Variants in KIAA0825 observed in about 807,000 individuals in gnomAD.
KIAA0825 encodes the protein uncharacterized protein KIAA0825.
KIAA0825 carries 119 observed loss-of-function variants against 147.6 expected under a neutral mutation model. The observed-to-expected ratio is 0.81, with a 90% CI of 0.69 to 0.94. KIAA0825 has a LOEUF of 0.94. KIAA0825 is among the 40% of genes least tolerant of loss of function. The probability of loss-of-function intolerance (pLI) is 0.00; values close to 1 mark genes in which losing one functional copy is unlikely to be tolerated. For synonymous variants in KIAA0825, 470 were observed against 518.1 expected, an observed-to-expected ratio of 0.91 and a Z score of 1.26; for missense variants, 1,381 against 1,472.7, an observed-to-expected ratio of 0.94 and a Z score of 1.02.
chr5:94,168,480 A>G (rs1768276997), intron 20 of KIAA0825, among the ~76,000 whole-genome samples: 1 of 152,218 alleles, frequency 6.6e-6, no homozygotes, highest in African/African-American at 2.4e-5. Context: ...TATACCAACA[A>G]ATGAGACAAA....
chr5:94,571,162 G>A (rs1476246456), intron 2 of KIAA0825, among the ~76,000 whole-genome samples: 1 of 152,154 alleles, frequency 6.6e-6, no homozygotes, highest in Non-Finnish European at 1.5e-5. Flanking sequence ...TTTATATGAT[G>A]TTGTGTTCCA....
intron 5 of KIAA0825, among the ~76,000 whole-genome samples, chr5:94,506,484 CTATGGAAGTGAA>C (rs1176214878): frequency 6.6e-6 from 1 of 152,108 alleles, no homozygotes; most frequent in South Asian, 2.1e-4. Context: ...AAAGCACAAA[CTATGGAAGTGAA>C]TATGGAAGTT....
At chr5:94,216,013 C>T (rs774023320) in intron 20 of KIAA0825, among the ~76,000 whole-genome samples, 3 of 152,144 alleles carry the variant, frequency 2.0e-5, no homozygotes, top group Non-Finnish European at 2.9e-5. Flanking sequence ...GCCCCACTTC[C>T]TCTTCCTGAT....
At chr5:94,219,726 A>C (rs186689095) in intron 20 of KIAA0825, among the ~76,000 whole-genome samples, 50 of 152,286 alleles carry the variant, frequency 3.3e-4, no homozygotes, top group African/African-American at 1.2e-3. Context: ...GTGTCTAAAC[A>C]TAACTATATA....
intron 2 of KIAA0825, among the ~76,000 whole-genome samples, chr5:94,541,307 A>T (rs1317825075): frequency 1.3e-5 from 2 of 152,230 alleles, no homozygotes; most frequent in Non-Finnish European, 2.9e-5. Context: ...CAAGGTTTTT[A>T]CCAAAAGTAA....
At chr5:94,455,443 G>C (rs994202373) in intron 12 of KIAA0825, among the ~76,000 whole-genome samples, 5 of 152,194 alleles carry the variant, frequency 3.3e-5, no homozygotes, top group African/African-American at 1.2e-4. Flanking sequence ...TAGAAGTCCA[G>C]TTGCAGTGCA....
chr5:94,493,502 T>C (rs1410088856), intron 5 of KIAA0825, among the ~76,000 whole-genome samples: 1 of 152,186 alleles, frequency 6.6e-6, no homozygotes, highest in Non-Finnish European at 1.5e-5. Context: ...TTGTTGTTGT[T>C]GTTGAGACGG....
chr5:94,528,241 A>G (rs984883617), intron 3 of KIAA0825, among the ~76,000 whole-genome samples: 4 of 152,194 alleles, frequency 2.6e-5, no homozygotes, highest in Non-Finnish European at 5.9e-5. Context: ...ATCATTGGTC[A>G]TCGGGACTAT....
At chr5:94,276,456 A>G (rs904956692) in intron 20 of KIAA0825, among the ~76,000 whole-genome samples, 2 of 152,222 alleles carry the variant, frequency 1.3e-5, no homozygotes, top group South Asian at 2.1e-4. Flanking sequence ...ATGCAAGACC[A>G]TTCATTACAA....
intron 20 of KIAA0825, among the ~76,000 whole-genome samples, chr5:94,258,166 C>T (rs920972174): frequency 1.3e-5 from 2 of 151,984 alleles, no homozygotes; most frequent in African/African-American, 4.8e-5. Flanking sequence ...AATTCATATG[C>T]TCTTCTGGAC....
At chr5:94,553,986 T>C (rs77243030) in intron 2 of KIAA0825, among the ~76,000 whole-genome samples, 366 of 152,330 alleles carry the variant, frequency 2.4e-3, no homozygotes, top group African/African-American at 8.6e-3. Context: ...AGAGCCACTT[T>C]TGACTTTTCC....
chr5:94,156,776 AATG>A (rs1463787605), intron 20 of KIAA0825, among the ~76,000 whole-genome samples: 10 of 152,294 alleles, frequency 6.6e-5, no homozygotes, highest in African/African-American at 2.4e-4. Flanking sequence ...GAGGATAAAA[AATG>A]ATGACAAAAA....
intron 12 of KIAA0825, among the ~76,000 whole-genome samples, chr5:94,457,532 G>GT (rs1041024604): frequency 2.6e-5 from 4 of 152,156 alleles, no homozygotes; most frequent in Non-Finnish European, 5.9e-5. Context: ...AACTAGCTAT[G>GT]CCCCTTCCTT....
intron 11 of KIAA0825, among the ~76,000 whole-genome samples, chr5:94,464,566 AT>A (rs1760251383): frequency 6.6e-6 from 1 of 152,110 alleles, no homozygotes. Flanking sequence ...CAGGGACTTA[AT>A]TTTCTATTTT....
intron 5 of KIAA0825, among the ~76,000 whole-genome samples, chr5:94,512,944 G>A (rs143836800): frequency 4.6e-5 from 7 of 152,170 alleles, no homozygotes; most frequent in African/African-American, 1.7e-4. Context: ...TTTTAAGAGG[G>A]TAAAGCAGAA....
intron 20 of KIAA0825, among the ~76,000 whole-genome samples, chr5:94,337,911 C>T (rs1781976041): frequency 6.6e-6 from 1 of 152,160 alleles, no homozygotes; most frequent in African/African-American, 2.4e-5. Context: ...CTTGCAGAGA[C>T]TGGATAGGAC....
chr5:94,243,780 G>A (rs1426407239), intron 20 of KIAA0825, among the ~76,000 whole-genome samples: 1 of 152,032 alleles, frequency 6.6e-6, no homozygotes, highest in Non-Finnish European at 1.5e-5. Context: ...ATCCATCTTT[G>A]TGAGTTTAAG....
In KIAA0825 at chr5:94,306,194, G is replaced by A. The variant is rs138157784; in HGVS notation, c.3710+78174C>T. Among the ~76,000 whole-genome samples, 941 of 151,580 alleles carry A rather than the reference G, an allele frequency of 6.2e-3. 10 individuals carry two copies. Among genetic ancestry groups the A allele is most frequent in the African/African-American group, 0.022 (912 of 41,380 alleles). ...ACTCATATTTAGAGAAAAAAAAGGG[G>A]GAATGTGAAATCTAATTTCAGAGTT... On this transcript the variant is annotated intron_variant, in intron 20 of 20. Coordinates refer to ENST00000682413, the MANE Select transcript of KIAA0825 (RefSeq NM_001145678.3).
intron 2 of KIAA0825, among the ~76,000 whole-genome samples, chr5:94,575,469 T>TTTTCACA (rs1446775717): frequency 6.6e-6 from 1 of 152,194 alleles, no homozygotes; most frequent in African/African-American, 2.4e-5. Flanking sequence ...AGGCCGCTGT[T>TTTTCACA]ACATGTTCAG....
Sources: allele counts gnomAD v4.1 joint callset (sites outside exome capture counted in the v4.1 genomes callset), GRCh38; gene constraint gnomAD v4.1.1; transcripts MANE v1.5; gene names NCBI Gene and HGNC (gene_info 2026-07-23, HGNC 2026-07-21).